ZNF267: variants seen among roughly 807,000 people sequenced by gnomAD.
The protein encoded by ZNF267 is zinc finger protein 267.
ZNF267 carries 61 observed loss-of-function variants against 71.6 expected under a neutral mutation model. The observed-to-expected ratio is 0.85, with a 90% CI of 0.69 to 1.05. The LOEUF is 1.05. Among genes scored for constraint, ZNF267 ranks in the 50% least tolerant of loss-of-function variants. The pLI is 0.00. For missense variants in ZNF267, 852 were observed against 870.0 expected (o/e 0.98, Z 0.26); for synonymous variants, 288 against 293.2 (o/e 0.98, Z 0.18).
intron 3 of ZNF267, among the ~76,000 whole-genome samples, chr16:31,905,623 G>A (rs2142355656): frequency 6.6e-6 from 1 of 152,230 alleles, no homozygotes; most frequent in Admixed American, 6.5e-5. Flanking sequence ...GTGTGCCTTG[G>A]TTTTCAGCTC....
intron 3 of ZNF267, among the ~76,000 whole-genome samples, chr16:31,888,153 A>T (rs867172760): frequency 5.9e-5 from 9 of 151,998 alleles, no homozygotes; most frequent in Admixed American, 3.3e-4. Flanking sequence ...ATTTTTTTGT[A>T]ACTTTTTTCT....
intron 1 of ZNF267, among the ~76,000 whole-genome samples, chr16:31,879,733 A>G (rs2083876761): frequency 6.6e-6 from 1 of 152,330 alleles, no homozygotes; most frequent in Middle Eastern, 3.4e-3. Context: ...ACAGGGCATC[A>G]GTTAGCCATT....
rs1567472469 is a variant in ZNF267, at chr16:31,884,574, A to C, written c.80A>C (p.Asn27Thr). The change falls in exon 2 of 4, where the codon AAT becomes ACT. Residue 27 changes from asparagine (N) to threonine (T), a missense_variant. By Grantham distance (65) the Asn-to-Thr change is moderately conservative. Coordinates refer to ENST00000300870, the MANE Select transcript of ZNF267 (RefSeq NM_003414.6). Reference sequence around the variant, plus strand: ...GAACACCTGGAACCAGCTCAGAAGAATTTGTATCAGGATGTGATGTTAGAA... The same window carrying C: ...GAACACCTGGAACCAGCTCAGAAGACTTTGTATCAGGATGTGATGTTAGAA... Reference protein sequence around the residue: ...EWEHLEPAQKNLYQDVMLENY... With the variant: ...EWEHLEPAQKTLYQDVMLENY... The C allele has an allele frequency of 1.9e-6, 3 of 1,614,154 alleles. No individual in the cohort carries two copies. The highest frequency in any genetic ancestry group is 2.2e-5 in the East Asian group (1 of 44,872).
At position 31,916,116 on chromosome 16, in the gene ZNF267, C is replaced by A; in HGVS notation, c.1867C>A (p.Arg623=). The A allele has an allele frequency of 6.2e-7, 1 of 1,614,044 alleles. No homozygotes were observed. The highest frequency in any genetic ancestry group is 8.5e-7 in the Non-Finnish European group (1 of 1,179,990). The stretch of plus-strand genomic sequence containing the variant: ...TTATAGTTCAGATGTTATTCAGCAT[C>A]GGAGAATTCATACTGGCCAGAGACC... The part of the protein sequence containing the change: ...FSYSSDVIQH[R]RIHTGQRPYK... The change falls in exon 4 of 4, where the codon CGG becomes AGG. Residue 623 remains arginine, a synonymous_variant. Transcript: ENST00000300870.
rs1271719256 is a variant in ZNF267 at position 31,884,515 on chromosome 16, G to T, written c.21G>T (p.Arg7Ser). 1 of 1,614,016 alleles carries T rather than the reference G, an allele frequency of 6.2e-7. No homozygotes were observed. Residue 7 changes from arginine to serine, a missense_variant, in exon 2 of 4, where the codon AGG (arginine) becomes AGT (serine). Transcript: ENST00000300870. ...TATTTCAGGGACTGTTGACATTCAG[G>T]GATGTGGCCGTAGAATTCTCTTTGG... MGLLTF[R>S]DVAVEFSLEE...
intron 2 of ZNF267, 46 bp from the exon 3 acceptor site, chr16:31,885,115 A>C: frequency 6.7e-7 from 1 of 1,484,474 alleles, no homozygotes; most frequent in Non-Finnish European, 9.0e-7. Flanking sequence ...ATAAAAAATA[A>C]AAAGAACCCT....
chr16:31,903,375 C>T (rs544260986), intron 3 of ZNF267, among the ~76,000 whole-genome samples: 82 of 152,298 alleles, frequency 5.4e-4, no homozygotes, highest in African/African-American at 1.9e-3. Flanking sequence ...AGCAGCTCCT[C>T]CTTGTACCTC....
rs746782142 is a variant in ZNF267 at position 31,915,684 on chromosome 16, CTTA to C, written c.1440_1442del (p.Ile480del). ...CAAATCTTATGCTCGTTCTTCAAAT[CTTA>C]TTATGCATCAGAGAGTTCATACTGG... On this transcript the variant is annotated inframe_deletion, in exon 4 of 4. Transcript: ENST00000300870. The C allele has an allele frequency of 5.6e-6, 9 of 1,613,654 alleles. No individual in the cohort carries two copies. Among genetic ancestry groups the C allele is most frequent in the African/African-American group, 5.3e-5 (4 of 74,914 alleles).
At position 31,915,915 on chromosome 16, in the gene ZNF267, G is replaced by C. The variant is rs1187552558; in HGVS notation, c.1666G>C (p.Ala556Pro). ...CTATAAATGTAAAGAATGTGGCAAA[G>C]CCTTTCCTTATAGTTCACACCTTAT... ...KPYKCKECGK[A>P]FPYSSHLIRH... The change falls in exon 4 of 4, where the codon GCC becomes CCC. Residue 556 changes from alanine to proline, a missense_variant. Coordinates refer to ENST00000300870, the MANE Select transcript of ZNF267 (RefSeq NM_003414.6). The C allele has an allele frequency of 7.4e-6, 12 of 1,613,772 alleles. No homozygotes were observed. The highest frequency in any genetic ancestry group is 1.0e-5 in the Non-Finnish European group (12 of 1,180,006).
At chr16:31,886,437 C>T (rs2083924953) in intron 3 of ZNF267, among the ~76,000 whole-genome samples, 1 of 152,200 alleles carries the variant, frequency 6.6e-6, no homozygotes, top group Non-Finnish European at 1.5e-5. Flanking sequence ...ATTTGATTCT[C>T]ATAGGAGTGT....
chr16:31,876,327 C>G (rs1364233341), intron 1 of ZNF267, among the ~76,000 whole-genome samples: 1 of 152,186 alleles, frequency 6.6e-6, no homozygotes, highest in African/African-American at 2.4e-5. Flanking sequence ...ATCCTCCCAC[C>G]TCAGCCTTCC....
At chr16:31,904,489 A>G (rs540530507) in intron 3 of ZNF267, among the ~76,000 whole-genome samples, 2 of 152,348 alleles carry the variant, frequency 1.3e-5, no homozygotes, top group South Asian at 4.1e-4. Flanking sequence ...GTACATATAT[A>G]TTTAGGATAG....
At chr16:31,875,288 A>G (rs1280878349) in intron 1 of ZNF267, 1 of 1,289,156 alleles carries the variant, frequency 7.8e-7, no homozygotes, top group African/African-American at 1.5e-5. Flanking sequence ...ACCTCCTGTT[A>G]GAGGACCGCC....
At chr16:31,874,219 C>T (rs2083835662) in intron 1 of ZNF267, 1 of 477,066 alleles carries the variant, frequency 2.1e-6, no homozygotes, top group South Asian at 3.0e-5. Context: ...GGAGCCCTCT[C>T]TGGGCAGCTC....
Position 31,873,895 on chromosome 16 carries a change from T to G in ZNF267, c.-72T>G. ...TCGCGTTCTGAGAATAAACAGAACC[T>G]CTGTTGCTCTGCGACTTGCAGGCAC... On this transcript the variant is annotated 5_prime_UTR_variant, in exon 1 of 4. Coordinates refer to ENST00000300870, the MANE Select transcript of ZNF267 (RefSeq NM_003414.6). The G allele has an allele frequency of 6.2e-7, 1 of 1,607,688 alleles. No homozygotes were observed. Among genetic ancestry groups the G allele is most frequent in the South Asian group, 1.1e-5 (1 of 90,914 alleles).
In ZNF267 at chr16:31,915,995, C is replaced by T. The variant is rs1320136303; in HGVS notation, c.1746C>T (p.Ser582=). ...GEKPYKCKAC[S]KSFSDSSGLT... is the part of the protein sequence containing the mutation. ...AACCATACAAATGTAAAGCATGTAG[C>T]AAATCTTTTAGTGACTCCTCAGGTC... Residue 582 remains serine (S), a synonymous_variant, in exon 4 of 4, where the codon AGC becomes AGT. Transcript: ENST00000300870. 1.2e-6 allele frequency: 2 copies of T among 1,612,314 alleles called. No individual in the cohort carries two copies. Among genetic ancestry groups the T allele is most frequent in the African/African-American group, 1.3e-5 (1 of 74,784 alleles).
chr16:31,885,296 G>A, intron 3 of ZNF267, 40 bp downstream of exon 3: 2 of 1,556,650 alleles, frequency 1.3e-6, no homozygotes, highest in East Asian at 2.3e-5. Context: ...TGGGCGAGAG[G>A]TCCAGAAGTC....
In ZNF267 at chr16:31,915,086, A is replaced by G; in HGVS notation, c.837A>G (p.Ser279=). Reference sequence around the variant, plus strand: ...AATGTGTAGAAGTTTGTACCCAGTCATTAAAACATATTCAACATCAGACCA... The same window carrying G: ...AATGTGTAGAAGTTTGTACCCAGTCGTTAAAACATATTCAACATCAGACCA... ...CNKCVEVCTQ[S]LKHIQHQTIH... is the part of the protein sequence containing the mutation. Residue 279 remains serine, a synonymous_variant, in exon 4 of 4, where the codon TCA becomes TCG. Transcript: ENST00000300870. The G allele has an allele frequency of 6.2e-7, 1 of 1,613,704 alleles. No homozygotes were observed. The highest frequency in any genetic ancestry group is 8.5e-7 in the Non-Finnish European group (1 of 1,179,864).
chr16:31,908,343 C>T (rs911509862), intron 3 of ZNF267, among the ~76,000 whole-genome samples: 2 of 152,156 alleles, frequency 1.3e-5, no homozygotes, highest in African/African-American at 2.4e-5. Context: ...TTCTCCCATT[C>T]TGTGGGTTGT....
Sources: gnomAD v4.1 joint callset for allele counts (sites outside exome capture counted in the v4.1 genomes callset) on GRCh38, gnomAD v4.1.1 for gene constraint, MANE v1.5 for transcripts, NCBI Gene and HGNC (gene_info 2026-07-23, HGNC 2026-07-21) for gene names.